USP31: variants seen among roughly 807,000 people sequenced by gnomAD.
USP31 encodes ubiquitin specific peptidase 31.
In USP31, 44 loss-of-function variants were observed where a neutral mutation model predicts 119.4. The ratio of observed to expected loss-of-function variants is 0.37; its 90% CI spans 0.29 to 0.47. USP31 has a LOEUF of 0.47. Ranked by LOEUF, USP31 falls within the 20% of genes least tolerant of loss-of-function variation. USP31 has a pLI of 0.99. For missense variants in USP31, 1,643 were observed against 1,730.2 expected (o/e 0.95, Z 0.89); for synonymous variants, 749 against 705.6 (o/e 1.06, Z -0.97).
intron 6 of USP31, among the ~76,000 whole-genome samples, chr16:23,091,294 G>C (rs1901351920): frequency 6.6e-6 from 1 of 152,146 alleles, no homozygotes; most frequent in Non-Finnish European, 1.5e-5. Flanking sequence ...CTTCCAACTT[G>C]GAATACAGTC....
At chr16:23,104,890 A>G (rs1282484572) in intron 5 of USP31, among the ~76,000 whole-genome samples, 2 of 152,214 alleles carry the variant, frequency 1.3e-5, no homozygotes, top group African/African-American at 4.8e-5. Context: ...CTTATCAAAC[A>G]TTTACCCCAA....
chr16:23,093,195 A>G (rs959255064), intron 6 of USP31, among the ~76,000 whole-genome samples: 2 of 152,232 alleles, frequency 1.3e-5, no homozygotes, highest in African/African-American at 4.8e-5. Context: ...CAAAATGAAG[A>G]ACTTTTGTAC....
intron 6 of USP31, 56 bp from the exon 7 acceptor site, chr16:23,090,860 C>T (rs1447117199): frequency 8.8e-6 from 12 of 1,370,722 alleles, no homozygotes; most frequent in African/African-American, 2.9e-5. Context: ...TTTATTCACT[C>T]GTTATGAAGA....
At position 23,065,089 on chromosome 16, in the gene USP31, C is replaced by T. The variant is rs10492790; in HGVS notation, c.*2957G>A. 34,849 of 151,882 alleles carry T rather than the reference C, an allele frequency of 0.23. 4,768 individuals are homozygous for T. Among genetic ancestry groups the T allele is most frequent in the Admixed American group, 0.31 (4,774 of 15,238 alleles). The allele number at this position is 151,882 out of a possible 1,614,324, so 9.4% of individuals were successfully genotyped here. A position where few individuals can be genotyped will look rare whatever the true frequency, so the allele number is the denominator to read the frequency against. ...TGTAGGGCTGTCTTAAGGAATGATA[C>T]GGCCTCAGTGCAATGGATGTTTACA... On this transcript the variant is annotated 3_prime_UTR_variant, in exon 16 of 16. Coordinates refer to ENST00000219689, the MANE Select transcript of USP31 (RefSeq NM_020718.4).
intron 1 of USP31, among the ~76,000 whole-genome samples, chr16:23,122,706 C>T (rs957317829): frequency 3.9e-5 from 6 of 152,022 alleles, no homozygotes; most frequent in African/African-American, 1.4e-4. Flanking sequence ...ATGCAAAAGG[C>T]CACATATATG....
chr16:23,107,499 C>G (rs139544769), intron 2 of USP31, among the ~76,000 whole-genome samples: 20 of 152,300 alleles, frequency 1.3e-4, no homozygotes, highest in African/African-American at 4.8e-4. Flanking sequence ...ACTTTAAAAG[C>G]TGCCCAAGGG....
intron 6 of USP31, among the ~76,000 whole-genome samples, chr16:23,096,045 C>T (rs1901592516): frequency 6.6e-6 from 1 of 152,066 alleles, no homozygotes; most frequent in South Asian, 2.1e-4. Context: ...AAAAGACAGA[C>T]TGGCAAACTG....
At chr16:23,131,217 T>C (rs1174776727) in intron 1 of USP31, among the ~76,000 whole-genome samples, 1 of 152,138 alleles carries the variant, frequency 6.6e-6, no homozygotes, top group Non-Finnish European at 1.5e-5. Flanking sequence ...GGCAAGAGGA[T>C]CTCAAGCCCT....
At chr16:23,131,070 A>C (rs955119274) in intron 1 of USP31, among the ~76,000 whole-genome samples, 2 of 152,200 alleles carry the variant, frequency 1.3e-5, no homozygotes, top group African/African-American at 4.8e-5. Flanking sequence ...AGCACTTTAG[A>C]AGGCCAAGGT....
intron 5 of USP31, among the ~76,000 whole-genome samples, chr16:23,103,638 G>A (rs1372545849): frequency 6.6e-6 from 1 of 152,210 alleles, no homozygotes; most frequent in Non-Finnish European, 1.5e-5. Flanking sequence ...AAACAGGACA[G>A]GCATGGTGGC....
intron 1 of USP31, among the ~76,000 whole-genome samples, chr16:23,112,421 C>T (rs192853350): frequency 2.6e-5 from 4 of 151,410 alleles, no homozygotes; most frequent in Admixed American, 6.6e-5. Context: ...TCCACTAACA[C>T]AAAATTAGTC....
At chr16:23,127,502 G>A (rs890588549) in intron 1 of USP31, among the ~76,000 whole-genome samples, 11 of 151,926 alleles carry the variant, frequency 7.2e-5, no homozygotes, top group African/African-American at 1.9e-4. Flanking sequence ...TCACTCTGTC[G>A]TCCAGGCTGG....
At chr16:23,130,133 G>A (rs549746063) in intron 1 of USP31, among the ~76,000 whole-genome samples, 8 of 152,236 alleles carry the variant, frequency 5.3e-5, no homozygotes, top group African/African-American at 1.7e-4. Flanking sequence ...CTGCCTTTCC[G>A]GGACAGGGGG....
In USP31 at chr16:23,098,167, T is replaced by C. The variant is rs1204481587; in HGVS notation, c.1234+4152A>G. ...AATGTGCAAAAATCACAAGCATTCC[T>C]ATACACCAATAACAGACAAACAGAG... is the stretch of plus-strand genomic sequence containing the variant. On this transcript the variant is annotated intron_variant, in intron 6 of 15. Transcript: ENST00000219689. Among the ~76,000 whole-genome samples the C allele has an allele frequency of 2.6e-5, 4 of 152,328 alleles. No individual in the cohort carries two copies. The East Asian group carries it at 7.7e-4, about 29-fold the overall frequency.
At chr16:23,131,715 C>A (rs1017493914) in intron 1 of USP31, among the ~76,000 whole-genome samples, 1 of 152,074 alleles carries the variant, frequency 6.6e-6, no homozygotes, top group Non-Finnish European at 1.5e-5. Flanking sequence ...TCTCTCTGGG[C>A]TTGTGTACAT....
At chr16:23,085,853 C>T (rs1362098167) in intron 9 of USP31, among the ~76,000 whole-genome samples, 191 bp from the exon 10 acceptor site, 2 of 152,148 alleles carry the variant, frequency 1.3e-5, no homozygotes, top group Non-Finnish European at 2.9e-5. Context: ...TACATTTCAA[C>T]TAAACTGAAA....
intron 7 of USP31, among the ~76,000 whole-genome samples, chr16:23,090,408 C>CA (rs376139647): frequency 1.5e-4 from 20 of 135,804 alleles, no homozygotes; most frequent in African/African-American, 5.0e-4. Context: ...AACAAACAAA[C>CA]AACAACAACA....
chr16:23,086,631 T>C (rs1310115217), intron 9 of USP31, among the ~76,000 whole-genome samples: 4 of 152,158 alleles, frequency 2.6e-5, no homozygotes, highest in Non-Finnish European at 5.9e-5. Flanking sequence ...ATCTGTACTT[T>C]AATGCTGCTG....
chr16:23,079,759 A>C, intron 13 of USP31, 187 bp downstream of exon 13: 1 of 545,198 alleles, frequency 1.8e-6, no homozygotes, highest in Non-Finnish European at 3.1e-6. Flanking sequence ...GACCCAACTC[A>C]GGAAAAGGAG....
Sources: gnomAD v4.1 joint callset for allele counts (sites outside exome capture counted in the v4.1 genomes callset) on GRCh38, gnomAD v4.1.1 for gene constraint, MANE v1.5 for transcripts, NCBI Gene and HGNC (gene_info 2026-07-23, HGNC 2026-07-21) for gene names.